BAZ1A: variants seen among roughly 807,000 people sequenced by gnomAD.
BAZ1A encodes the protein bromodomain adjacent to zinc finger domain protein 1A.
BAZ1A carries 50 observed loss-of-function variants against 185.2 expected under a neutral mutation model. The ratio of observed to expected loss-of-function variants is 0.27; its 90% confidence interval spans 0.22 to 0.34. The LOEUF (loss-of-function observed/expected upper bound fraction) is 0.34, where lower values mean the gene tolerates loss of function less well. Among genes scored for constraint, BAZ1A ranks in the 10% least tolerant of loss-of-function variants. The pLI is 1.00. For missense variants in BAZ1A, 1,356 were observed against 1,839.9 expected (o/e 0.74, Z 4.81); for synonymous variants, 571 against 615.6 (o/e 0.93, Z 1.07).
chr14:34,754,767 A>AGAT (rs1886170273), intron 26 of BAZ1A, 60 bp downstream of exon 26: 1 of 1,174,636 alleles, frequency 8.5e-7, no homozygotes, highest in African/African-American at 1.6e-5. Flanking sequence ...TAAATATCAA[A>AGAT]GATGCTATAA....
intron 24 of BAZ1A, among the ~76,000 whole-genome samples, chr14:34,760,774 C>T (rs1886488576): frequency 1.3e-5 from 2 of 152,006 alleles, no homozygotes; most frequent in Admixed American, 1.3e-4. Context: ...ATTGCTTGAG[C>T]CCGGGAAGCA....
chr14:34,794,081 G>A (rs139465149), intron 11 of BAZ1A, among the ~76,000 whole-genome samples: 32 of 151,644 alleles, frequency 2.1e-4, no homozygotes, highest in African/African-American at 2.4e-4. Context: ...GCAGTGAGCC[G>A]AGATTGCGCC....
chr14:34,872,812 A>T (rs968008188), intron 2 of BAZ1A, among the ~76,000 whole-genome samples: 1 of 151,152 alleles, frequency 6.6e-6, no homozygotes, highest in African/African-American at 2.4e-5. Flanking sequence ...CTTACGTGGA[A>T]GGAGAAAGCA....
intron 4 of BAZ1A, among the ~76,000 whole-genome samples, chr14:34,820,825 C>T (rs2138701706): frequency 6.6e-6 from 1 of 151,852 alleles, no homozygotes; most frequent in Non-Finnish European, 1.5e-5. Context: ...ACTATCTTTT[C>T]TCTACTGTTT....
In BAZ1A at chr14:34,836,146, G is replaced by A. The variant is rs1458665402; in HGVS notation, c.393-9990C>T. Among the ~76,000 whole-genome samples, 2 of 27,074 alleles carry A rather than the reference G, an allele frequency of 7.4e-5. 1 individual carries two copies. The highest frequency in any genetic ancestry group is 1.5e-3 in the East Asian group (2 of 1,312). 17.8% of individuals were successfully genotyped at this position (27,074 alleles called of 152,430 possible). A position where few individuals can be genotyped will look rare whatever the true frequency, so the allele number is the denominator to read the frequency against. The stretch of plus-strand genomic sequence containing the variant: ...TGTAATCCCAGCACTTTGGGAGGCC[G>A]AGGCGGGCGGATCACGAGGTCAGGA... On this transcript the variant is annotated intron_variant, in intron 3 of 26. Transcript: ENST00000360310.
At chr14:34,867,669 C>T (rs1279465748) in intron 2 of BAZ1A, among the ~76,000 whole-genome samples, 1 of 152,162 alleles carries the variant, frequency 6.6e-6, no homozygotes, top group Non-Finnish European at 1.5e-5. Flanking sequence ...TACATTATAG[C>T]TTCACTGTTC....
At chr14:34,755,543 T>G (rs1184024469) in intron 25 of BAZ1A, among the ~76,000 whole-genome samples, 1 of 152,172 alleles carries the variant, frequency 6.6e-6, no homozygotes, top group African/African-American at 2.4e-5. Flanking sequence ...TTCTTAGTGT[T>G]GAAATTCTAT....
intron 24 of BAZ1A, among the ~76,000 whole-genome samples, chr14:34,761,073 G>A (rs1024672763): frequency 6.6e-6 from 1 of 152,136 alleles, no homozygotes; most frequent in African/African-American, 2.4e-5. Flanking sequence ...GAGGTCAGGA[G>A]TTCAAGACCA....
In BAZ1A at chr14:34,874,512, G is replaced by A. The variant is rs143651951; in HGVS notation, c.93C>T (p.Asn31=). 20 of 1,612,670 alleles carry A rather than the reference G, an allele frequency of 1.2e-5. No individual in the cohort carries two copies. The African/African-American group carries it at 2.0e-4, about 16-fold the overall frequency. The change falls in exon 2 of 27, where the codon AAC becomes AAT. Residue 31 remains asparagine, a synonymous_variant. Transcript: ENST00000360310. This position sits in a 1 kb window ranked among gnomAD's most constrained non-coding sequence, Gnocchi z 4.7. ...DEEVFYCKVT[N]EIFRHYDDFF... is the part of the protein sequence containing the mutation. Reference sequence around the variant, plus strand: ...CTTACTCGTAGTGGCGGAAGATCTCGTTGGTGACTTTACAGTAGAAAACTT... The same window carrying A: ...CTTACTCGTAGTGGCGGAAGATCTCATTGGTGACTTTACAGTAGAAAACTT...
At chr14:34,844,787 A>G (rs935471396) in intron 3 of BAZ1A, among the ~76,000 whole-genome samples, 3,159 of 60,822 alleles carry the variant, frequency 0.052, 126 homozygotes, top group African/African-American at 0.13. Flanking sequence ...GCACACACAC[A>G]CACACACACA....
chr14:34,862,351 A>G, intron 2 of BAZ1A, 29 bp from the exon 3 acceptor site: 1 of 1,568,830 alleles, frequency 6.4e-7, no homozygotes, highest in Non-Finnish European at 8.6e-7. Context: ...CAAAAACAAA[A>G]GCCCATTACC....
In BAZ1A at chr14:34,776,223, T is replaced by C; in HGVS notation, c.2529A>G (p.Ser843=). 1 of 1,614,120 alleles carries C rather than the reference T, an allele frequency of 6.2e-7. No individual in the cohort carries two copies. The highest frequency in any genetic ancestry group is 1.3e-5 in the African/African-American group (1 of 75,036). The change falls in exon 18 of 27, where the codon TCA becomes TCG. Residue 843 remains serine (S), a synonymous_variant. Coordinates refer to ENST00000360310, the MANE Select transcript of BAZ1A (RefSeq NM_013448.3). ...TEDMLLPRPS[S]FQNNVQSQDP... ...CTTGAGACTGTACATTATTCTGAAATGATGAAGGTCTAGGCAACAGCATGT... is the reference window on the plus strand; with the variant it reads ...CTTGAGACTGTACATTATTCTGAAACGATGAAGGTCTAGGCAACAGCATGT...
At chr14:34,758,080 C>G (rs1594805521) in intron 25 of BAZ1A, among the ~76,000 whole-genome samples, 1 of 119,288 alleles carries the variant, frequency 8.4e-6, no homozygotes, top group South Asian at 2.9e-4. Flanking sequence ...AACTGATGTT[C>G]AAGACCAGCC....
Position 34,875,214 on chromosome 14 carries a change from G to A in BAZ1A, c.-135C>T, listed in dbSNP as rs1343454645. 1 of 450,950 alleles carries A rather than the reference G, an allele frequency of 2.2e-6. No homozygotes were observed. The highest frequency in any genetic ancestry group is 7.1e-5 in the East Asian group (1 of 14,168). The allele number at this position is 450,950 out of a possible 1,614,324, so 27.9% of individuals were successfully genotyped here. ...GAGGGGAGACCCCGTCCTCCCAGGG[G>A]ACCGCCTCTCTCCGGCCCCGCCGCG... On this transcript the variant is annotated 5_prime_UTR_variant, in exon 1 of 27. Coordinates refer to ENST00000360310, the MANE Select transcript of BAZ1A (RefSeq NM_013448.3).
At chr14:34,820,175 C>T (rs1299255426) in intron 4 of BAZ1A, among the ~76,000 whole-genome samples, 2 of 140,268 alleles carry the variant, frequency 1.4e-5, no homozygotes, top group African/African-American at 2.6e-5. Flanking sequence ...TCACCCAGGC[C>T]GGAGTGCAGT....
intron 2 of BAZ1A, among the ~76,000 whole-genome samples, chr14:34,868,914 G>A (rs979819439): frequency 1.4e-5 from 2 of 142,058 alleles, no homozygotes; most frequent in South Asian, 2.4e-4. Context: ...GTGTGTGTGT[G>A]TGTGTGTGTG....
intron 4 of BAZ1A, among the ~76,000 whole-genome samples, chr14:34,812,391 T>C (rs1285546892): frequency 6.6e-6 from 1 of 152,202 alleles, no homozygotes; most frequent in African/African-American, 2.4e-5. Flanking sequence ...TTCAGAGATG[T>C]AGCAGCAGTG....
chr14:34,801,835 G>A (rs998430097), intron 7 of BAZ1A, among the ~76,000 whole-genome samples: 3 of 151,726 alleles, frequency 2.0e-5, no homozygotes, highest in Non-Finnish European at 4.4e-5. Context: ...GAACCCAGGA[G>A]GTGGAGGTTG....
chr14:34,768,411 A>T (rs1878992654), intron 21 of BAZ1A, among the ~76,000 whole-genome samples: 1 of 152,192 alleles, frequency 6.6e-6, no homozygotes, highest in Non-Finnish European at 1.5e-5. Context: ...ACAGCCATTC[A>T]TTCTTTTCAC....
Sources: gnomAD v4.1 joint callset for allele counts (sites outside exome capture counted in the v4.1 genomes callset) on GRCh38, gnomAD v4.1.1 for gene constraint, Gnocchi (gnomAD v3.1) non-coding constraint, MANE v1.5 for transcripts, NCBI Gene and HGNC (gene_info 2026-07-23, HGNC 2026-07-21) for gene names.